The following AAK1 variants were observed in gnomAD, a reference collection of about 807,000 sequenced individuals.
The protein encoded by AAK1 is AP2 associated kinase 1.
Under a neutral mutation model 116.0 loss-of-function variants are expected in AAK1, and 37 were observed. The observed-to-expected ratio is 0.32, with a 90% confidence interval of 0.25 to 0.42. AAK1 has a LOEUF of 0.42. AAK1 is among the 10% of genes least tolerant of loss of function. The probability of loss-of-function intolerance (pLI) is 1.00; values close to 1 mark genes in which losing one functional copy is unlikely to be tolerated. For missense variants in AAK1, 919 were observed against 1,170.6 expected (o/e 0.79, Z 3.14); for synonymous variants, 458 against 439.9 (o/e 1.04, Z -0.51).
chr2:69,561,354 G>C (rs1307400066), intron 2 of AAK1, among the ~76,000 whole-genome samples: 1 of 152,122 alleles, frequency 6.6e-6, no homozygotes, highest in Non-Finnish European at 1.5e-5. Context: ...CTTCCCTCAA[G>C]ATGAGTTTAC....
chr2:69,514,320 A>C lies in AAK1; in HGVS notation c.1776+151T>G, dbSNP rs547970956. On this transcript the variant is annotated intron_variant, in intron 13 of 21. Transcript: ENST00000409085. ...TATAGAACATCCATACTATTCTTGGATATATCAAGGAAAGATCAAATAATT... is the reference window on the plus strand; with the variant it reads ...TATAGAACATCCATACTATTCTTGGCTATATCAAGGAAAGATCAAATAATT... 584 of 1,022,700 alleles carry C rather than the reference A, an allele frequency of 5.7e-4. 2 individuals are homozygous for C. Among genetic ancestry groups the C allele is most frequent in the Non-Finnish European group, 7.7e-4 (558 of 728,072 alleles). The allele number at this position is 1,022,700 out of a possible 1,614,324, so 63.4% of individuals were successfully genotyped here.
At chr2:69,592,897 G>A (rs970344991) in intron 2 of AAK1, among the ~76,000 whole-genome samples, 5 of 152,170 alleles carry the variant, frequency 3.3e-5, no homozygotes, top group Non-Finnish European at 7.3e-5. Context: ...GTTCTAAATA[G>A]TTGCTGTGTT....
intron 2 of AAK1, 78 bp downstream of exon 2, chr2:69,642,800 A>G (rs1192467017): frequency 1.3e-6 from 2 of 1,590,118 alleles, no homozygotes; most frequent in Admixed American, 1.7e-5. Context: ...GCCCATTCAT[A>G]CATGCAACAA....
chr2:69,482,856 G>C (rs1276067446), intron 17 of AAK1, 44 bp from the exon 18 acceptor site: 11 of 1,242,418 alleles, frequency 8.9e-6, no homozygotes, highest in Non-Finnish European at 1.3e-5. Context: ...AATGTAGTAA[G>C]ATATTAAAGC....
chr2:69,544,652 T>C (rs1467703724), intron 3 of AAK1, 108 bp from the exon 4 acceptor site: 5 of 803,770 alleles, frequency 6.2e-6, no homozygotes, highest in Non-Finnish European at 1.0e-5. Flanking sequence ...GATGATACAG[T>C]GTTGACAGAG....
At chr2:69,632,555 C>T (rs182249128) in intron 2 of AAK1, among the ~76,000 whole-genome samples, 32 of 152,280 alleles carry the variant, frequency 2.1e-4, no homozygotes, top group Middle Eastern at 3.4e-3. Flanking sequence ...GCCTAATTGG[C>T]GGTGTGACTT....
rs1052342232 is a variant in AAK1 at position 69,527,316 on chromosome 2, T to C, written c.875A>G (p.Tyr292Cys). 5.7e-6 allele frequency: 9 copies of C among 1,583,590 alleles called. No homozygotes were observed. Among genetic ancestry groups the C allele is most frequent in the Non-Finnish European group, 7.8e-6 (9 of 1,156,452 alleles). Residue 292 changes from tyrosine to cysteine, a missense_variant, in exon 9 of 22, where the codon TAT (tyrosine) becomes TGT (cysteine). This residue lies in a region of AAK1 where 317 missense variants were observed against 490.4 expected (regional missense o/e 0.65). Coordinates refer to ENST00000409085, the MANE Select transcript of AAK1 (RefSeq NM_014911.5). ...YSQDMHCLIR[Y>C]MLEPDPDKRP... ...TTTGTCAGGGTCTGGTTCCAACATATACCCTAAGGCAAACATGTGAATTTA... is the reference window on the plus strand; with the variant it reads ...TTTGTCAGGGTCTGGTTCCAACATACACCCTAAGGCAAACATGTGAATTTA...
At chr2:69,540,023 A>G (rs759520900) in intron 5 of AAK1, among the ~76,000 whole-genome samples, 2 of 152,154 alleles carry the variant, frequency 1.3e-5, no homozygotes, top group Non-Finnish European at 2.9e-5. Flanking sequence ...GAGGGTAGGA[A>G]CAATGTTATA....
At chr2:69,566,513 G>C (rs1441424779) in intron 2 of AAK1, among the ~76,000 whole-genome samples, 1 of 152,140 alleles carries the variant, frequency 6.6e-6, no homozygotes, top group Non-Finnish European at 1.5e-5. Flanking sequence ...CAAAATCAGA[G>C]ACTGGCAAAC....
At chr2:69,597,384 G>A (rs1233766410) in intron 2 of AAK1, 1 of 154,942 alleles carries the variant, frequency 6.5e-6, no homozygotes, top group Non-Finnish European at 1.5e-5. Flanking sequence ...TTCCAAGTAG[G>A]ATGTCACTAG....
intron 2 of AAK1, among the ~76,000 whole-genome samples, chr2:69,612,406 A>G (rs1048070059): frequency 1.3e-5 from 2 of 152,258 alleles, no homozygotes; most frequent in African/African-American, 4.8e-5. Flanking sequence ...ATGAGGTAAC[A>G]GTAGGGCTGT....
At chr2:69,476,085 A>G in intron 21 of AAK1, 122 bp from the exon 22 acceptor site, 4 of 1,464,646 alleles carry the variant, frequency 2.7e-6, no homozygotes, top group Non-Finnish European at 3.6e-6. Context: ...AACCAAAAAA[A>G]CCAAACCCTA....
chr2:69,607,640 T>G (rs1404957398), intron 2 of AAK1, among the ~76,000 whole-genome samples: 1 of 152,196 alleles, frequency 6.6e-6, no homozygotes, highest in African/African-American at 2.4e-5. Flanking sequence ...AGATTATACT[T>G]ATAATAAGCC....
intron 5 of AAK1, among the ~76,000 whole-genome samples, chr2:69,537,980 G>T (rs1055517395): frequency 2.0e-5 from 3 of 152,186 alleles, no homozygotes; most frequent in African/African-American, 7.2e-5. Flanking sequence ...CATGCCTGAT[G>T]ATCTTCAATA....
chr2:69,580,816 A>G (rs977036271), intron 2 of AAK1, among the ~76,000 whole-genome samples: 7 of 152,212 alleles, frequency 4.6e-5, no homozygotes, highest in African/African-American at 1.7e-4. Flanking sequence ...CATGAACTCT[A>G]TGAAGGCTTT....
chr2:69,476,394 A>T (rs780493212), intron 21 of AAK1, among the ~76,000 whole-genome samples: 1 of 152,228 alleles, frequency 6.6e-6, no homozygotes, highest in Non-Finnish European at 1.5e-5. Context: ...TGCTTTAAAA[A>T]ATAAATAGAT....
At chr2:69,492,648 G>A (rs1043925065) in intron 17 of AAK1, among the ~76,000 whole-genome samples, 8 of 146,706 alleles carry the variant, frequency 5.5e-5, no homozygotes, top group Admixed American at 1.4e-4. Context: ...TCAGTCTCCC[G>A]AGTACCTGCA....
chr2:69,471,681 T>C lies in AAK1; in HGVS notation c.*4188A>G, dbSNP rs1352760895. On this transcript the variant is annotated 3_prime_UTR_variant, in exon 22 of 22. Coordinates refer to ENST00000409085, the MANE Select transcript of AAK1 (RefSeq NM_014911.5). Reference sequence around the variant, plus strand: ...TCTGGGAAATCACAGAAAAACCTTATCAAGAGAGACTTTATTTTGGCCCAA... The same window carrying C: ...TCTGGGAAATCACAGAAAAACCTTACCAAGAGAGACTTTATTTTGGCCCAA... 1.0e-6 allele frequency: 1 copy of C among 985,284 alleles called. No homozygotes were observed. The highest frequency in any genetic ancestry group is 1.2e-6 in the Non-Finnish European group (1 of 829,914). 61.0% of individuals were successfully genotyped at this position (985,284 alleles called of 1,614,324 possible).
intron 3 of AAK1, among the ~76,000 whole-genome samples, chr2:69,554,799 A>C (rs1249171934): frequency 6.6e-6 from 1 of 152,228 alleles, no homozygotes; most frequent in Non-Finnish European, 1.5e-5. Flanking sequence ...AGCTTAGTTC[A>C]CCTATTTGAA....
Sources: allele counts gnomAD v4.1 joint callset (sites outside exome capture counted in the v4.1 genomes callset), GRCh38; gene constraint gnomAD v4.1.1; regional missense constraint gnomAD v4.1.1; transcripts MANE v1.5; gene names NCBI Gene and HGNC (gene_info 2026-07-23, HGNC 2026-07-21).